CSMD1: variants seen among roughly 807,000 people sequenced by gnomAD.
CSMD1 encodes the protein CUB and sushi domain-containing protein 1.
A neutral mutation model predicts 417.5 loss-of-function variants in CSMD1; 213 were observed. The observed-to-expected ratio is 0.51, with a 90% confidence interval of 0.46 to 0.57. CSMD1 has a LOEUF of 0.57. Ranked by LOEUF, CSMD1 falls within the 20% of genes least tolerant of loss-of-function variation. CSMD1 has a pLI of 0.00. For missense variants in CSMD1, 6,923 were observed against 4,529.7 expected, an observed-to-expected ratio of 1.53 and a Z score of -15.17; for synonymous variants, 2,862 against 1,736.8, an observed-to-expected ratio of 1.65 and a Z score of -16.11.
chr8:3,512,633 G>A (rs1446855831), intron 10 of CSMD1, among the ~76,000 whole-genome samples: 1 of 138,042 alleles, frequency 7.2e-6, no homozygotes, highest in African/African-American at 2.7e-5. Flanking sequence ...ACAGAGTCTT[G>A]CTTTGTCGCC....
At chr8:3,391,556 G>A (rs544149028) in intron 17 of CSMD1, among the ~76,000 whole-genome samples, 3 of 152,206 alleles carry the variant, frequency 2.0e-5, no homozygotes, top group South Asian at 4.2e-4. Flanking sequence ...CTAGACTGTC[G>A]CTGGACACTA....
At chr8:4,294,098 T>C (rs1797533392) in intron 3 of CSMD1, among the ~76,000 whole-genome samples, 1 of 152,210 alleles carries the variant, frequency 6.6e-6, no homozygotes, top group African/African-American at 2.4e-5. Flanking sequence ...TCTATATTCC[T>C]GTCACTGGAA....
At chr8:4,284,651 G>T (rs888948958) in intron 3 of CSMD1, among the ~76,000 whole-genome samples, 2 of 152,040 alleles carry the variant, frequency 1.3e-5, no homozygotes, top group African/African-American at 4.8e-5. Flanking sequence ...GTGGACTCAG[G>T]ACTCCTGGAG....
At chr8:3,529,553 C>A (rs1473171070) in intron 10 of CSMD1, among the ~76,000 whole-genome samples, 1 of 152,104 alleles carries the variant, frequency 6.6e-6, no homozygotes, top group African/African-American at 2.4e-5. Context: ...CTACCTTTTC[C>A]AAGACCACAC....
rs561786750 is a variant in CSMD1, at chr8:3,338,396, G to A, written c.3631+4898C>T. The stretch of plus-strand genomic sequence containing the variant: ...GTACATAAATAAAATAATGGAAATT[G>A]TGTAAATCAAAACACAGCTAAGTAC... On this transcript the variant is annotated intron_variant, in intron 23 of 69. Coordinates refer to ENST00000635120, the MANE Select transcript of CSMD1 (RefSeq NM_033225.6). 3.3e-5 allele frequency among the ~76,000 whole-genome samples: 5 copies of A among 152,322 alleles called. No homozygotes were observed. In the East Asian group the frequency reaches 9.7e-4, roughly 29 times the overall value.
rs554617880 is a variant in CSMD1 at position 4,232,491 on chromosome 8, G to A, written c.415+187462C>T. ...TGGGATTACAGGCATGAGCAACTGC[G>A]CCCAGCCACACATGTCCTTTAAATT... On this transcript the variant is annotated intron_variant, in intron 3 of 69. Transcript: ENST00000635120. 1.7e-3 allele frequency among the ~76,000 whole-genome samples: 257 copies of A among 152,252 alleles called. 2 individuals are homozygous for A. Among genetic ancestry groups the A allele is most frequent in the African/African-American group, 5.4e-3 (224 of 41,556 alleles).
intron 3 of CSMD1, among the ~76,000 whole-genome samples, chr8:4,360,801 G>T (rs936150595): frequency 2.0e-5 from 3 of 151,562 alleles, no homozygotes; most frequent in African/African-American, 7.3e-5. Context: ...GCCCCTCGGG[G>T]TTCGTAATCT....
At position 3,868,588 on chromosome 8, in the gene CSMD1, C is replaced by T. The variant is rs190491430; in HGVS notation, c.819-114546G>A. Among the ~76,000 whole-genome samples the T allele has an allele frequency of 9.7e-4, 147 of 152,284 alleles. 1 individual carries two copies. The highest frequency in any genetic ancestry group is 1.9e-3 in the Non-Finnish European group (126 of 68,012). ...GTGGATTTGAGGGTCCAGCAGCCCA[C>T]TCAGCTCACGCAATAGGACCCGAAC... is the stretch of plus-strand genomic sequence containing the variant. On this transcript the variant is annotated intron_variant, in intron 5 of 69. Coordinates refer to ENST00000635120, the MANE Select transcript of CSMD1 (RefSeq NM_033225.6).
intron 5 of CSMD1, among the ~76,000 whole-genome samples, chr8:3,948,739 A>C (rs573598586): frequency 6.6e-6 from 1 of 152,214 alleles, no homozygotes. Context: ...ACAGTGACTT[A>C]ATCAGCTAGA....
intron 5 of CSMD1, among the ~76,000 whole-genome samples, chr8:3,869,480 T>C (rs1034260987): frequency 2.0e-5 from 3 of 152,196 alleles, no homozygotes; most frequent in Admixed American, 6.5e-5. Flanking sequence ...TGCATTCCCC[T>C]AAATGGCTAG....
intron 18 of CSMD1, 28 bp downstream of exon 18, chr8:3,387,466 G>A (rs367604038): frequency 6.4e-6 from 10 of 1,563,066 alleles, no homozygotes; most frequent in African/African-American, 1.4e-5. Flanking sequence ...CACCCTGCTG[G>A]TGCATTGCCT....
chr8:3,752,990 T>A (rs555543627), intron 6 of CSMD1, among the ~76,000 whole-genome samples: 1 of 152,202 alleles, frequency 6.6e-6, no homozygotes, highest in South Asian at 2.1e-4. Flanking sequence ...TTAGATCCCT[T>A]TGCATTCTGA....
chr8:3,000,062 T>A lies in CSMD1; in HGVS notation c.8099A>T (p.Asp2700Val). 1 of 1,602,804 alleles carries A rather than the reference T, an allele frequency of 6.2e-7. No individual in the cohort carries two copies. Among genetic ancestry groups the A allele is most frequent in the Non-Finnish European group, 8.5e-7 (1 of 1,177,402 alleles). The stretch of plus-strand genomic sequence containing the variant: ...AGGATTGCACTGGTAAACCACCGTG[T>A]CTCTGTAACTGAAGCCATCTCCACT... ...HISGDGFSYR[D>V]TVVYQCNPGF... is the part of the protein sequence containing the mutation. The change falls in exon 53 of 70, where the codon GAC (aspartate) becomes GTC (valine). Residue 2700 changes from aspartate (D) to valine (V), a missense_variant. Asp to Val is a radical substitution (Grantham distance 152, BLOSUM62 -3). Transcript: ENST00000635120.
At chr8:4,171,723 G>C (rs1333223436) in intron 3 of CSMD1, among the ~76,000 whole-genome samples, 1 of 149,418 alleles carries the variant, frequency 6.7e-6, no homozygotes, top group African/African-American at 2.6e-5. Context: ...TATGTGCCAA[G>C]CTTCTGAAAT....
chr8:4,003,411 A>AAAAT (rs1554513231), intron 4 of CSMD1, among the ~76,000 whole-genome samples: 1 of 129,710 alleles, frequency 7.7e-6, no homozygotes, highest in Non-Finnish European at 1.7e-5. Context: ...AACAAACAAA[A>AAAAT]AAACAAACAA....
intron 3 of CSMD1, among the ~76,000 whole-genome samples, chr8:4,214,927 A>T (rs1025117491): frequency 2.7e-5 from 4 of 150,138 alleles, no homozygotes; most frequent in African/African-American, 9.7e-5. Context: ...TTTTCAGCTC[A>T]CTTTTAATGA....
chr8:4,765,029 C>T (rs948588471), intron 1 of CSMD1, among the ~76,000 whole-genome samples: 5 of 152,010 alleles, frequency 3.3e-5, no homozygotes, highest in South Asian at 2.1e-4. Flanking sequence ...AATTAAGCAA[C>T]TGCATGTTTT....
chr8:3,142,462 T>A lies in CSMD1; in HGVS notation c.6241+3A>T. ...GGTTTCGGTTCTCGTTGTTGTTCCA[T>A]ACCTTGGTAAGCAAGTTTAAATCCT... On this transcript the variant is annotated splice_donor_region_variant and intron_variant, in intron 41 of 69. Transcript: ENST00000635120. 6.2e-7 allele frequency: 1 copy of A among 1,611,798 alleles called. No homozygotes were observed. Among genetic ancestry groups the A allele is most frequent in the Non-Finnish European group, 8.5e-7 (1 of 1,178,540 alleles).
intron 1 of CSMD1, among the ~76,000 whole-genome samples, chr8:4,860,588 T>C (rs1057328194): frequency 6.6e-6 from 1 of 152,032 alleles, no homozygotes; most frequent in East Asian, 1.9e-4. Flanking sequence ...CATGAGCCAA[T>C]TAAAACTCTC....
Sources: allele counts gnomAD v4.1 joint callset (sites outside exome capture counted in the v4.1 genomes callset), GRCh38; gene constraint gnomAD v4.1.1; transcripts MANE v1.5; gene names NCBI Gene and HGNC (gene_info 2026-07-23, HGNC 2026-07-21).